Variants in CDC42BPA observed in about 807,000 individuals in gnomAD.
The protein encoded by CDC42BPA is serine/threonine-protein kinase MRCK alpha.
A neutral mutation model predicts 223.5 loss-of-function variants in CDC42BPA; 80 were observed. That is an observed-to-expected ratio of 0.36 (90% CI 0.30 to 0.43). The LOEUF (loss-of-function observed/expected upper bound fraction) is 0.43. Ranked by LOEUF, CDC42BPA falls within the 20% of genes least tolerant of loss-of-function variation. CDC42BPA has a pLI of 1.00. For missense variants in CDC42BPA, 1,743 were observed against 2,099.9 expected, an observed-to-expected ratio of 0.83 and a Z score of 3.32; for synonymous variants, 694 against 718.6, an observed-to-expected ratio of 0.97 and a Z score of 0.55.
intron 15 of CDC42BPA, 43 bp from the exon 16 acceptor site, chr1:227,092,034 G>C (rs1416652439): frequency 1.8e-6 from 2 of 1,105,954 alleles, no homozygotes; most frequent in Non-Finnish European, 2.6e-6. Flanking sequence ...GGAATTAAAG[G>C]TCATTTGAAA....
intron 10 of CDC42BPA, among the ~76,000 whole-genome samples, chr1:227,132,220 G>A (rs1040511869): frequency 6.6e-5 from 10 of 151,870 alleles, no homozygotes; most frequent in African/African-American, 1.9e-4. Context: ...CTACCATCTC[G>A]GCTCACTGCA....
chr1:227,246,646 G>A (rs1454226663), intron 2 of CDC42BPA, among the ~76,000 whole-genome samples: 3 of 151,822 alleles, frequency 2.0e-5, no homozygotes, highest in Non-Finnish European at 2.9e-5. Flanking sequence ...ATATAAGACT[G>A]CAAAAACCAC....
chr1:227,185,969 A>ATC (rs1668713054), intron 5 of CDC42BPA, among the ~76,000 whole-genome samples: 1 of 152,212 alleles, frequency 6.6e-6, no homozygotes, highest in Non-Finnish European at 1.5e-5. Context: ...CTCTTCTTAG[A>ATC]TATGTAAGAG....
chr1:227,283,231 T>C (rs1435550839), intron 1 of CDC42BPA, among the ~76,000 whole-genome samples: 1 of 152,148 alleles, frequency 6.6e-6, no homozygotes, highest in Non-Finnish European at 1.5e-5. Context: ...GTACTTTTTG[T>C]ACATATTTTT....
intron 5 of CDC42BPA, among the ~76,000 whole-genome samples, chr1:227,167,844 T>G (rs74877892): frequency 4.6e-5 from 7 of 152,204 alleles, no homozygotes; most frequent in Admixed American, 3.3e-4. Flanking sequence ...AGATCCAAGC[T>G]TTCATGTAGT....
rs536418089 is a variant in CDC42BPA, at chr1:227,048,648, T to C, written c.3010-638A>G. Among the ~76,000 whole-genome samples, 6 of 151,050 alleles carry C rather than the reference T, an allele frequency of 4.0e-5. No individual in the cohort carries two copies. In the South Asian group the frequency reaches 1.2e-3, roughly 31 times the overall value. ...CTATGTAAAATATGGTCTTCTTTTA[T>C]GGGGTTTTATTGTAATATTATTTCT... On this transcript the variant is annotated intron_variant, in intron 22 of 36. Transcript: ENST00000366766.
In CDC42BPA at chr1:227,271,250, T is replaced by G. The variant is rs77848145; in HGVS notation, c.179-17095A>C. Among the ~76,000 whole-genome samples the G allele has an allele frequency of 3.6e-4, 55 of 152,198 alleles. No homozygotes were observed. The South Asian group carries it at 4.4e-3, about 12-fold the overall frequency. The stretch of plus-strand genomic sequence containing the variant: ...TAATTATGACTAAATCAGAGCAAGA[T>G]CTAATGGTGAGCTAATGACACAGCT... On this transcript the variant is annotated intron_variant, in intron 1 of 36. Transcript: ENST00000366766.
intron 2 of CDC42BPA, among the ~76,000 whole-genome samples, chr1:227,232,229 T>G (rs909371399): frequency 5.3e-5 from 8 of 152,220 alleles, no homozygotes; most frequent in Admixed American, 2.6e-4. Context: ...GCACCATTTA[T>G]TAAATAGGGA....
intron 3 of CDC42BPA, among the ~76,000 whole-genome samples, chr1:227,200,599 A>T (rs1336220044): frequency 6.6e-6 from 1 of 151,792 alleles, no homozygotes; most frequent in Non-Finnish European, 1.5e-5. Context: ...AATGCACTAT[A>T]ATTTATTTAT....
chr1:227,175,791 T>C (rs922887730), intron 5 of CDC42BPA, among the ~76,000 whole-genome samples: 5 of 152,214 alleles, frequency 3.3e-5, no homozygotes, highest in Non-Finnish European at 7.3e-5. Context: ...GCTCATCTTG[T>C]ACACTTCCTA....
At chr1:227,145,393 A>C in intron 8 of CDC42BPA, 96 bp downstream of exon 8, 1 of 1,061,674 alleles carries the variant, frequency 9.4e-7, no homozygotes, top group Non-Finnish European at 1.4e-6. Context: ...TCATTGTAAA[A>C]TCATCCTAGC....
At chr1:227,008,529 C>G (rs1664547326) in intron 34 of CDC42BPA, among the ~76,000 whole-genome samples, 1 of 152,114 alleles carries the variant, frequency 6.6e-6, no homozygotes, top group African/African-American at 2.4e-5. Flanking sequence ...AAACTGAGTT[C>G]CCAGTTGCCA....
chr1:227,061,965 G>C (rs977558019), intron 21 of CDC42BPA, among the ~76,000 whole-genome samples: 2 of 152,104 alleles, frequency 1.3e-5, no homozygotes, highest in African/African-American at 4.8e-5. Context: ...ATCTCCAACT[G>C]GATGTCCCTT....
chr1:227,061,764 G>A (rs553220259), intron 21 of CDC42BPA, among the ~76,000 whole-genome samples: 2 of 152,254 alleles, frequency 1.3e-5, no homozygotes, highest in East Asian at 1.9e-4. Flanking sequence ...CTTAGCTTTT[G>A]TGGAGTCCTA....
chr1:227,247,848 C>G (rs1452304382), intron 2 of CDC42BPA, among the ~76,000 whole-genome samples: 6 of 152,102 alleles, frequency 3.9e-5, no homozygotes, highest in Admixed American at 3.9e-4. Flanking sequence ...CACCACTGCA[C>G]TCCAACCTGG....
chr1:227,113,792 T>C (rs1005537589), intron 12 of CDC42BPA, among the ~76,000 whole-genome samples: 3 of 151,110 alleles, frequency 2.0e-5, no homozygotes, highest in Admixed American at 2.0e-4. Flanking sequence ...GCAGGAGGAT[T>C]GCTTGAGCCA....
At chr1:227,125,602 TAAAAAA>T (rs78634914) in intron 11 of CDC42BPA, among the ~76,000 whole-genome samples, 1 of 117,602 alleles carries the variant, frequency 8.5e-6, no homozygotes, top group Non-Finnish European at 1.7e-5. Context: ...GTCTACAAAT[TAAAAAA>T]AAAAAAAAAA....
intron 23 of CDC42BPA, among the ~76,000 whole-genome samples, chr1:227,045,474 C>T (rs1173301252): frequency 6.6e-6 from 1 of 152,142 alleles, no homozygotes; most frequent in Non-Finnish European, 1.5e-5. Context: ...TGCTAGTAGG[C>T]ACTGATGGAA....
chr1:227,307,909 T>C (rs1371762893), intron 1 of CDC42BPA, among the ~76,000 whole-genome samples: 1 of 152,216 alleles, frequency 6.6e-6, no homozygotes, highest in Non-Finnish European at 1.5e-5. Flanking sequence ...AAAATGTAAT[T>C]AGTCATCTCA....
Sources: allele counts gnomAD v4.1 joint callset (sites outside exome capture counted in the v4.1 genomes callset), GRCh38; gene constraint gnomAD v4.1.1; transcripts MANE v1.5; gene names NCBI Gene and HGNC (gene_info 2026-07-23, HGNC 2026-07-21).